The following RFX8 variants were observed in gnomAD, a reference collection of about 807,000 sequenced individuals.
RFX8 encodes regulatory factor X8.
In RFX8, 46 loss-of-function variants were observed where a neutral mutation model predicts 54.6. The ratio of observed to expected loss-of-function variants is 0.84; its 90% confidence interval spans 0.67 to 1.08. The LOEUF (loss-of-function observed/expected upper bound fraction) is 1.08. RFX8 is among the 50% of genes least tolerant of loss of function. The probability of loss-of-function intolerance (pLI) is 0.00; values close to 1 mark genes in which losing one functional copy is unlikely to be tolerated. For missense variants in RFX8, 536 were observed against 562.3 expected (o/e 0.95, Z 0.47); for synonymous variants, 192 against 209.5 (o/e 0.92, Z 0.72).
At chr2:101,403,602 A>G (rs1433645098) in intron 10 of RFX8, among the ~76,000 whole-genome samples, 1 of 152,102 alleles carries the variant, frequency 6.6e-6, no homozygotes, top group East Asian at 1.9e-4. Context: ...CCAGCTAACA[A>G]GGCGAAACCT....
intron 1 of RFX8, among the ~76,000 whole-genome samples, chr2:101,467,963 T>C (rs750628485): frequency 3.3e-5 from 5 of 152,100 alleles, no homozygotes; most frequent in Non-Finnish European, 7.4e-5. Flanking sequence ...TCCTTGGCAT[T>C]TGTTTTTCTA....
chr2:101,451,916 A>C, intron 2 of RFX8, among the ~76,000 whole-genome samples: 1 of 152,060 alleles, frequency 6.6e-6, no homozygotes, highest in Admixed American at 6.6e-5. Context: ...CAATTTAGGA[A>C]AACCTCGTCT....
chr2:101,439,876 G>A (rs186535600), intron 2 of RFX8, among the ~76,000 whole-genome samples: 17 of 152,084 alleles, frequency 1.1e-4, no homozygotes, highest in African/African-American at 3.9e-4. Context: ...GCGCATAGCC[G>A]AGCGGATCTA....
chr2:101,412,146 G>A (rs1294246583), intron 8 of RFX8, among the ~76,000 whole-genome samples: 2 of 152,158 alleles, frequency 1.3e-5, no homozygotes, highest in African/African-American at 4.8e-5. Flanking sequence ...TGTTTGGAAA[G>A]GACACACACA....
chr2:101,466,591 A>T (rs1467310606), intron 2 of RFX8, among the ~76,000 whole-genome samples, 186 bp downstream of exon 2: 14 of 152,228 alleles, frequency 9.2e-5, no homozygotes, highest in Admixed American at 5.9e-4. Flanking sequence ...AAGTGTGGAC[A>T]AAGGGAAGTG....
intron 4 of RFX8, chr2:101,421,346 C>T: frequency 2.0e-6 from 2 of 995,548 alleles, no homozygotes; most frequent in Non-Finnish European, 2.4e-6. Flanking sequence ...CGAAGTCCTG[C>T]TCCATCTTCA....
chr2:101,453,254 G>A (rs1296398963), intron 2 of RFX8, among the ~76,000 whole-genome samples: 1 of 148,848 alleles, frequency 6.7e-6, no homozygotes, highest in African/African-American at 2.5e-5. Flanking sequence ...TCCAGCCTGG[G>A]TGACAGAGCA....
At chr2:101,465,909 G>C (rs554470729) in intron 2 of RFX8, among the ~76,000 whole-genome samples, 2 of 152,310 alleles carry the variant, frequency 1.3e-5, no homozygotes, top group Non-Finnish European at 2.9e-5. Flanking sequence ...TAACGAAACA[G>C]GTGGGCAGGG....
chr2:101,415,104 C>T (rs570720191), intron 6 of RFX8, among the ~76,000 whole-genome samples, 192 bp from the exon 7 acceptor site: 37 of 152,128 alleles, frequency 2.4e-4, no homozygotes, highest in African/African-American at 8.4e-4. Flanking sequence ...CTGAAATGTC[C>T]TCATGTGCCA....
chr2:101,458,305 T>C (rs1328115847), intron 2 of RFX8, among the ~76,000 whole-genome samples: 2 of 152,210 alleles, frequency 1.3e-5, no homozygotes, highest in East Asian at 3.8e-4. Context: ...CTACATGGCA[T>C]TGATGGTCTT....
At chr2:101,463,294 G>C (rs79479402) in intron 2 of RFX8, among the ~76,000 whole-genome samples, 3,122 of 152,302 alleles carry the variant, frequency 0.02, 107 homozygotes, top group African/African-American at 0.071. Flanking sequence ...ACACATAAGG[G>C]GCTTTCCAGC....
chr2:101,457,697 G>A (rs898884631), intron 2 of RFX8, among the ~76,000 whole-genome samples: 2 of 152,194 alleles, frequency 1.3e-5, no homozygotes, highest in African/African-American at 4.8e-5. Flanking sequence ...GATTTGGGCT[G>A]GAGAGTTCTG....
rs560678811 is a variant in RFX8, at chr2:101,457,120, C to T, written c.72+9657G>A. Among the ~76,000 whole-genome samples the T allele has an allele frequency of 9.9e-5, 15 of 152,178 alleles. No homozygotes were observed. In the East Asian group the frequency reaches 1.5e-3, roughly 16 times the overall value. On this transcript the variant is annotated intron_variant, in intron 2 of 11. Transcript: ENST00000428343. ...CTTTCTTCTTTATTAGTCTTGCTAG[C>T]GGTCTATCAATTTTGTTGATCTTTT... is the stretch of plus-strand genomic sequence containing the variant.
chr2:101,433,550 G>A (rs760794130), intron 2 of RFX8, among the ~76,000 whole-genome samples: 10 of 152,136 alleles, frequency 6.6e-5, no homozygotes, highest in Non-Finnish European at 1.2e-4. Flanking sequence ...TGTAGTGTTA[G>A]CTTAATATGC....
chr2:101,445,834 A>G (rs574563241), intron 2 of RFX8, among the ~76,000 whole-genome samples: 5 of 152,294 alleles, frequency 3.3e-5, no homozygotes, highest in Non-Finnish European at 5.9e-5. Flanking sequence ...GGCCTGACTT[A>G]TTGTAGGAAC....
At chr2:101,433,115 C>G (rs1422594432) in intron 2 of RFX8, among the ~76,000 whole-genome samples, 1 of 152,164 alleles carries the variant, frequency 6.6e-6, no homozygotes, top group Non-Finnish European at 1.5e-5. Flanking sequence ...ACAGTGGAAC[C>G]GGCCTCCTTG....
chr2:101,430,895 G>A (rs1049590105), intron 2 of RFX8, among the ~76,000 whole-genome samples: 1 of 152,040 alleles, frequency 6.6e-6, no homozygotes, highest in Non-Finnish European at 1.5e-5. Flanking sequence ...ACTAAATAAA[G>A]GGCTCACAGA....
At chr2:101,447,239 T>G (rs1688438641) in intron 2 of RFX8, among the ~76,000 whole-genome samples, 2 of 147,246 alleles carry the variant, frequency 1.4e-5, no homozygotes, top group Non-Finnish European at 3.0e-5. Flanking sequence ...CCTGGGGCCA[T>G]CTCCAGGCTC....
In RFX8 at chr2:101,410,387, A is replaced by ACACT. The variant is rs900784577; in HGVS notation, c.813+228_813+231dup. 2.4e-4 allele frequency among the ~76,000 whole-genome samples: 10 copies of ACACT among 41,872 alleles called. 1 individual carries two copies. Among genetic ancestry groups the ACACT allele is most frequent in the African/African-American group, 1.0e-3 (10 of 9,552 alleles). 27.5% of individuals were successfully genotyped at this position (41,872 alleles called of 152,430 possible). A position where few individuals can be genotyped will look rare whatever the true frequency, so the allele number is the denominator to read the frequency against. ...CTCCCACACACCCAAACATATGCCC[A>ACACT]CACTCACACACACACACACACACAC... On this transcript the variant is annotated intron_variant, in intron 9 of 11. Transcript: ENST00000428343.
Sources: allele counts gnomAD v4.1 joint callset (sites outside exome capture counted in the v4.1 genomes callset), GRCh38; gene constraint gnomAD v4.1.1; transcripts MANE v1.5; gene names NCBI Gene and HGNC (gene_info 2026-07-23, HGNC 2026-07-21).